The following NBPF14 variants were observed in gnomAD, a reference collection of about 807,000 sequenced individuals.
NBPF14 encodes the protein NBPF member 14.
Under a neutral mutation model 91.2 loss-of-function variants are expected in NBPF14, and 104 were observed. The observed-to-expected ratio is 1.14, with a 90% confidence interval of 0.97 to 1.34. The LOEUF (loss-of-function observed/expected upper bound fraction) is 1.34, where lower values mean the gene tolerates loss of function less well. Ranked by LOEUF, NBPF14 falls within the 40% of genes most tolerant of loss-of-function variation. NBPF14 has a pLI of 0.00. For synonymous variants in NBPF14, 294 were observed against 303.8 expected (o/e 0.97, Z 0.34); for missense variants, 908 against 783.0 (o/e 1.16, Z -1.91).
At position 148,534,932 on chromosome 1, in the gene NBPF14, T is replaced by G. The variant is rs1364701918; in HGVS notation, c.8442-76A>C. Reference sequence around the variant, plus strand: ...CACAGCCCCAGCTAGATTTCATGGCTAACATAAGGAACAGTTTAAAAAGAA... The same window carrying G: ...CACAGCCCCAGCTAGATTTCATGGCGAACATAAGGAACAGTTTAAAAAGAA... On this transcript the variant is annotated intron_variant, in intron 68 of 70. Coordinates refer to ENST00000619423, the Ensembl canonical transcript of NBPF14. 34 of 742,036 alleles carry G rather than the reference T, an allele frequency of 4.6e-5. 5 individuals are homozygous for G. The African/African-American group carries it at 6.2e-4, about 14-fold the overall frequency. 46.0% of individuals were successfully genotyped at this position (742,036 alleles called of 1,614,324 possible). A position where few individuals can be genotyped will look rare whatever the true frequency, so the allele number is the denominator to read the frequency against.
chr1:148,559,356 T>G (rs1657187085), intron 37 of NBPF14, among the ~76,000 whole-genome samples: 1 of 130,118 alleles, frequency 7.7e-6, no homozygotes, highest in African/African-American at 3.8e-5. Context: ...CCAATCGATT[T>G]AAAGCAATTG....
At chr1:148,585,487 G>A (rs1423856238) in intron 9 of NBPF14, among the ~76,000 whole-genome samples, 1 of 150,872 alleles carries the variant, frequency 6.6e-6, no homozygotes, top group African/African-American at 2.4e-5. Flanking sequence ...CCTCTCTCTG[G>A]ACGTTGGCAG....
At chr1:148,566,550 C>A (rs1341317845) in intron 28 of NBPF14, among the ~76,000 whole-genome samples, 1 of 143,756 alleles carries the variant, frequency 7.0e-6, no homozygotes, top group Non-Finnish European at 1.6e-5. Flanking sequence ...CAAACACACA[C>A]ACACACACAG....
intron 8 of NBPF14, among the ~76,000 whole-genome samples, 157 bp downstream of exon 8, chr1:148,587,144 C>A (rs1661675167): frequency 1.3e-5 from 2 of 148,664 alleles, no homozygotes; most frequent in South Asian, 2.2e-4. Flanking sequence ...TTTTTACTAT[C>A]CTTCTTCTCT....
intron 2 of NBPF14, among the ~76,000 whole-genome samples, chr1:148,594,934 G>C (rs1364811924): frequency 3.5e-5 from 4 of 115,706 alleles, no homozygotes; most frequent in South Asian, 3.2e-4. Flanking sequence ...CTGACCTCGT[G>C]CTCTGCCCGC....
intron 13 of NBPF14, 85 bp from the exon 14 acceptor site, chr1:148,578,119 A>T: frequency 5.6e-6 from 4 of 715,366 alleles, no homozygotes; most frequent in Non-Finnish European, 1.0e-5. Flanking sequence ...TAACACAGGG[A>T]CATCAGTCTT....
At chr1:148,583,593 G>T (rs1444403251) in intron 11 of NBPF14, among the ~76,000 whole-genome samples, 18 of 10,812 alleles carry the variant, frequency 1.7e-3, no homozygotes, top group South Asian at 7.0e-3. Context: ...AGATAAATTT[G>T]AACAACTCTT....
chr1:148,586,711 A>T (rs1661587193), intron 8 of NBPF14, among the ~76,000 whole-genome samples: 1 of 145,656 alleles, frequency 6.9e-6, no homozygotes, highest in East Asian at 2.0e-4. Context: ...CTCTTCTGTA[A>T]ACAAAAGTAG....
chr1:148,542,217 T>A lies in NBPF14; in HGVS notation c.7375+337A>T, dbSNP rs1392014975. Reference sequence around the variant, plus strand: ...AGATTGTTCATGGTTGTGAGGACTTTAGACACTGAAATTAGAGTGAAAAAG... The same window carrying A: ...AGATTGTTCATGGTTGTGAGGACTTAAGACACTGAAATTAGAGTGAAAAAG... On this transcript the variant is annotated intron_variant, in intron 59 of 70. Transcript: ENST00000619423. Among the ~76,000 whole-genome samples, 291 of 84,210 alleles carry A rather than the reference T, an allele frequency of 3.5e-3. 1 individual carries two copies. The highest frequency in any genetic ancestry group is 4.3e-3 in the Non-Finnish European group (217 of 50,984). 55.2% of individuals were successfully genotyped at this position (84,210 alleles called of 152,430 possible).
Position 148,587,225 on chromosome 1 carries a change from C to A in NBPF14, c.1091+76G>T, listed in dbSNP as rs1342874266. The A allele has an allele frequency of 4.2e-5, 54 of 1,276,600 alleles. 2 individuals carry two copies. The highest frequency in any genetic ancestry group is 1.1e-4 in the South Asian group (9 of 82,994). 79.1% of individuals were successfully genotyped at this position (1,276,600 alleles called of 1,614,324 possible). On this transcript the variant is annotated intron_variant, in intron 8 of 70. Coordinates refer to ENST00000619423, the Ensembl canonical transcript of NBPF14. ...TTCCCCTGGCCCAGCTGAGCTCTTACGTCTCCCCACTGAGCTGCTGTACTT... is the reference window on the plus strand; with the variant it reads ...TTCCCCTGGCCCAGCTGAGCTCTTAAGTCTCCCCACTGAGCTGCTGTACTT...
At chr1:148,586,656 A>C (rs1297814774) in intron 8 of NBPF14, among the ~76,000 whole-genome samples, 187 bp from the exon 9 acceptor site, 4 of 147,840 alleles carry the variant, frequency 2.7e-5, no homozygotes, top group African/African-American at 9.9e-5. Flanking sequence ...CCTCTGTATC[A>C]GAGAGGGCTC....
At chr1:148,587,487 A>G (rs1661739925) in intron 7 of NBPF14, 84 bp from the exon 8 acceptor site, 1 of 1,338,196 alleles carries the variant, frequency 7.5e-7, no homozygotes, top group Non-Finnish European at 1.1e-6. Context: ...AGCCAGGTCC[A>G]TCCCAAGGAC....
chr1:148,566,172 T>C (rs1658229935), exon 29 of NBPF14: 3 of 535,426 alleles, frequency 5.6e-6, no homozygotes, highest in Admixed American at 6.3e-5. Context: ...GCCAACATGT[T>C]TTTCCTCCAA....
intron 6 of NBPF14, among the ~76,000 whole-genome samples, chr1:148,589,922 G>A (rs1216876735): frequency 6.8e-6 from 1 of 148,090 alleles, no homozygotes; most frequent in African/African-American, 2.5e-5. Flanking sequence ...AGTAGAGATG[G>A]GGTTTCGCCA....
At chr1:148,579,953 A>C (rs1458444139) in intron 12 of NBPF14, among the ~76,000 whole-genome samples, 1 of 152,094 alleles carries the variant, frequency 6.6e-6, no homozygotes, top group Non-Finnish European at 1.5e-5. Context: ...GGTCGCCATC[A>C]TCAAAGACCA....
Position 148,534,668 on chromosome 1 carries a change from A to C in NBPF14, c.8614+16T>G. 1 of 803,706 alleles carries C rather than the reference A, an allele frequency of 1.2e-6. No homozygotes were observed. Among genetic ancestry groups the C allele is most frequent in the South Asian group, 1.4e-5 (1 of 74,024 alleles). 49.8% of individuals were successfully genotyped at this position (803,706 alleles called of 1,614,324 possible). On this transcript the variant is annotated intron_variant, in intron 69 of 70. Coordinates refer to ENST00000619423, the Ensembl canonical transcript of NBPF14. ...GACCAGGTGGAGGCTTATCACCTTCATAGTAAGGTACTCACTGTCCACGTC... is the reference window on the plus strand; with the variant it reads ...GACCAGGTGGAGGCTTATCACCTTCCTAGTAAGGTACTCACTGTCCACGTC...
rs1434895192 is a variant in NBPF14 at position 148,572,620 on chromosome 1, A to T, written c.2586-5T>A. 17 of 565,726 alleles carry T rather than the reference A, an allele frequency of 3.0e-5. 3 individuals are homozygous for T. Among genetic ancestry groups the T allele is most frequent in the East Asian group, 5.8e-5 (2 of 34,660 alleles). 35.0% of individuals were successfully genotyped at this position (565,726 alleles called of 1,614,324 possible). ...TCCAGCAGCTCCCTGCTGAGCCTGG[A>T]AAAGTGGGAAAAAGTAAAGAATAAG... On this transcript the variant is annotated splice_region_variant and splice_polypyrimidine_tract_variant and intron_variant, in intron 20 of 70. Coordinates refer to ENST00000619423, the Ensembl canonical transcript of NBPF14.
chr1:148,592,877 A>T, intron 3 of NBPF14, 111 bp from the exon 4 acceptor site: 1 of 770,496 alleles, frequency 1.3e-6, no homozygotes, highest in South Asian at 1.7e-5. Flanking sequence ...TCCAAGCAGA[A>T]GGTCAGCACA....
At position 148,559,934 on chromosome 1, in the gene NBPF14, GC is replaced by G; in HGVS notation, c.4587del (p.Pro1530LeufsTer21). The G allele has an allele frequency of 7.3e-7, 1 of 1,374,510 alleles. No homozygotes were observed. Among genetic ancestry groups the G allele is most frequent in the Non-Finnish European group, 1.0e-6 (1 of 999,178 alleles). 85.1% of individuals were successfully genotyped at this position (1,374,510 alleles called of 1,614,324 possible). ...TCCAGTGAGTCCTGCAAGACTTCAG[GC>G]CCTTTCTCATGCAGCAGCTCCCTGC... is the stretch of plus-strand genomic sequence containing the variant. On this transcript the variant is annotated frameshift_variant, in exon 37 of 71. Transcript: ENST00000619423. LOFTEE classifies it high-confidence loss of function.
Sources: gnomAD v4.1 joint callset for allele counts (sites outside exome capture counted in the v4.1 genomes callset) on GRCh38, gnomAD v4.1.1 for gene constraint, MANE v1.5 for transcripts, NCBI Gene and HGNC (gene_info 2026-07-23, HGNC 2026-07-21) for gene names.